Variants in RRM2 observed in about 807,000 individuals in gnomAD.
RRM2 encodes ribonucleotide reductase regulatory subunit M2.
A neutral mutation model predicts 45.9 loss-of-function variants in RRM2; 6 were observed. The observed-to-expected ratio is 0.13, with a 90% confidence interval of 0.07 to 0.26. The LOEUF is 0.26. Ranked by LOEUF, RRM2 falls within the 10% of genes least tolerant of loss-of-function variation. The pLI, the probability that RRM2 is intolerant of heterozygous loss-of-function variation, is 1.00. For synonymous variants in RRM2, 177 were observed against 173.0 expected, an observed-to-expected ratio of 1.02 and a Z score of -0.18; for missense variants, 343 against 489.5, an observed-to-expected ratio of 0.70 and a Z score of 2.82.
Position 10,129,147 on chromosome 2 carries a change from T to C in RRM2, c.1010T>C (p.Phe337Ser). 1 of 1,614,074 alleles carries C rather than the reference T, an allele frequency of 6.2e-7. No homozygotes were observed. The highest frequency in any genetic ancestry group is 8.5e-7 in the Non-Finnish European group (1 of 1,179,874). The part of the protein sequence containing the change: ...VADRLMLELG[F>S]SKVFRVENPF... ...GACAGACTTATGCTGGAACTGGGTT[T>C]TAGCAAGGTAAAGTATTGTTTACAT... Residue 337 changes from phenylalanine to serine, a missense_variant, in exon 9 of 10, where the codon TTT (phenylalanine) becomes TCT (serine). Around this residue, in one of 2 missense-constraint regions of RRM2, gnomAD observed 212 missense variants for 368.1 expected, o/e 0.58. Transcript: ENST00000304567. The surrounding 1 kb of genome is among the most constrained non-coding windows in gnomAD (Gnocchi z 4.8).
At chr2:10,122,601 AG>A (rs1192073979), upstream of RRM2, 23 of 1,492,030 alleles carry the variant, frequency 1.5e-5, no homozygotes, top group Non-Finnish European at 2.1e-5. Flanking sequence ...CAGCCTGGGT[AG>A]GGGCAAGGCG....
intron 3 of RRM2, chr2:10,210,283 A>C (rs566499440): frequency 7.4e-7 from 1 of 1,352,384 alleles, no homozygotes. Context: ...TGGTTCAGTT[A>C]CCAAATCTTT....
At chr2:10,123,140 C>A in intron 2 of RRM2, 83 bp downstream of exon 2, 1 of 1,434,066 alleles carries the variant, frequency 7.0e-7, no homozygotes, top group South Asian at 1.3e-5. Flanking sequence ...CTCAGCTGTT[C>A]ACACTCCCGC....
At chr2:10,134,006 C>A (rs1002549679), downstream of RRM2, among the ~76,000 whole-genome samples, 26 of 151,860 alleles carry the variant, frequency 1.7e-4, no homozygotes, top group East Asian at 2.5e-3. Flanking sequence ...TGGTGAGACC[C>A]CATCTCTACT....
downstream of RRM2, among the ~76,000 whole-genome samples, chr2:10,134,853 TGAG>T (rs1662964940): frequency 6.6e-6 from 1 of 152,166 alleles, no homozygotes; most frequent in Non-Finnish European, 1.5e-5. Context: ...AGGCAGTGTT[TGAG>T]GAGGTAAAGA....
intron 3 of RRM2, among the ~76,000 whole-genome samples, chr2:10,143,149 AG>A (rs1474768428): frequency 6.6e-6 from 1 of 152,238 alleles, no homozygotes; most frequent in African/African-American, 2.4e-5. Flanking sequence ...CCGGGATTAC[AG>A]GCGTGAGCCA....
chr2:10,127,187 C>T lies in RRM2; in HGVS notation c.765C>T (p.Leu255=). ...AGAAACGAGGACTGATGCCTGGCCT[C>T]ACATTTTCTAATGAACTTATTAGCA... ...WLKKRGLMPG[L]TFSNELISRD... The change falls in exon 7 of 10, where the codon CTC becomes CTT. Residue 255 remains leucine, a synonymous_variant. Coordinates refer to ENST00000304567, the MANE Select transcript of RRM2 (RefSeq NM_001034.4). The surrounding 1 kb of genome is among the most constrained non-coding windows in gnomAD (Gnocchi z 4.1). 6.2e-7 allele frequency: 1 copy of T among 1,614,100 alleles called. No homozygotes were observed. Among genetic ancestry groups the T allele is most frequent in the Non-Finnish European group, 8.5e-7 (1 of 1,180,030 alleles).
chr2:10,164,067 C>CGTGTGTGTGAGTGTGCATATGAGTGT (rs1558393745), intron 3 of RRM2, among the ~76,000 whole-genome samples: 4 of 151,462 alleles, frequency 2.6e-5, no homozygotes, highest in African/African-American at 9.7e-5. Flanking sequence ...CATGAGTGAA[C>CGTGTGTGTGAGTGTGCATATGAGTGT]GTGTGTGTGA....
Position 10,123,251 on chromosome 2 carries a change from C to T in RRM2, c.175-136C>T. 7 of 1,296,152 alleles carry T rather than the reference C, an allele frequency of 5.4e-6. 1 individual carries two copies. The South Asian group carries it at 7.4e-5, about 14-fold the overall frequency. 80.3% of individuals were successfully genotyped at this position (1,296,152 alleles called of 1,614,324 possible). On this transcript the variant is annotated intron_variant, in intron 2 of 9. Coordinates refer to ENST00000304567, the MANE Select transcript of RRM2 (RefSeq NM_001034.4). The stretch of plus-strand genomic sequence containing the variant: ...GCGTGCGCTCCTCTGCTGCGACCCA[C>T]GGAGTGCGACGGGACAGCCACGTTT...
intron 3 of RRM2, among the ~76,000 whole-genome samples, chr2:10,143,923 C>T (rs1451355771): frequency 1.3e-5 from 2 of 152,220 alleles, no homozygotes; most frequent in East Asian, 3.8e-4. Context: ...GCCTTGGCCT[C>T]CCAAAGTGCT....
At chr2:10,147,491 G>A (rs1488201513) in intron 3 of RRM2, among the ~76,000 whole-genome samples, 4 of 151,632 alleles carry the variant, frequency 2.6e-5, no homozygotes, top group African/African-American at 9.7e-5. Flanking sequence ...CTGTTGCCCA[G>A]GCAACAAGCA....
At chr2:10,179,379 C>T (rs1178161400) in intron 3 of RRM2, among the ~76,000 whole-genome samples, 1 of 152,028 alleles carries the variant, frequency 6.6e-6, no homozygotes, top group East Asian at 1.9e-4. Context: ...CTCAAACTCC[C>T]GACCTAGGGC....
intron 3 of RRM2, among the ~76,000 whole-genome samples, chr2:10,188,712 G>A (rs973779904): frequency 1.3e-5 from 2 of 152,086 alleles, no homozygotes; most frequent in South Asian, 2.1e-4. Flanking sequence ...GCCTTGGGCC[G>A]AGGCATGGGG....
exon 4 of RRM2, chr2:10,210,887 A>G: frequency 3.6e-6 from 1 of 276,196 alleles, no homozygotes; most frequent in Non-Finnish European, 7.1e-6. Flanking sequence ...GAGGACACAG[A>G]GGGCAGCCAT....
At chr2:10,178,429 A>G (rs7420526) in intron 3 of RRM2, among the ~76,000 whole-genome samples, 130,279 of 151,710 alleles carry the variant, frequency 0.86, 56,037 homozygotes, top group East Asian at 1. Flanking sequence ...CACCATGTCG[A>G]CCAGACTGGT....
At chr2:10,156,103 C>T (rs1438966502) in intron 3 of RRM2, 3 of 152,234 alleles carry the variant, frequency 2.0e-5, no homozygotes, top group Admixed American at 6.5e-5. Context: ...GCTCTAACTG[C>T]TCTCAGAGCT....
chr2:10,162,961 T>C (rs1395772031), intron 3 of RRM2, among the ~76,000 whole-genome samples: 2 of 152,228 alleles, frequency 1.3e-5, no homozygotes, highest in South Asian at 2.1e-4. Context: ...CTTCCAAGAA[T>C]AGAGTAGACA....
chr2:10,137,126 G>T (rs2125310597), upstream of RRM2, among the ~76,000 whole-genome samples: 1 of 152,344 alleles, frequency 6.6e-6, no homozygotes, highest in East Asian at 1.9e-4. Context: ...GAATTCACTT[G>T]ATCTGCACAG....
chr2:10,146,774 C>T (rs1663195836), intron 3 of RRM2, among the ~76,000 whole-genome samples: 1 of 152,166 alleles, frequency 6.6e-6, no homozygotes, highest in Non-Finnish European at 1.5e-5. Flanking sequence ...GGCAGCGACC[C>T]CCAGCCTTGC....
Sources: gnomAD v4.1 joint callset for allele counts (sites outside exome capture counted in the v4.1 genomes callset) on GRCh38, gnomAD v4.1.1 for gene constraint, gnomAD v4.1.1 regional missense constraint, Gnocchi (gnomAD v3.1) non-coding constraint, MANE v1.5 for transcripts, NCBI Gene and HGNC (gene_info 2026-07-23, HGNC 2026-07-21) for gene names.